TBC1D5: variants seen among roughly 807,000 people sequenced by gnomAD.
TBC1D5 encodes the protein TBC1 domain family, member 5.
TBC1D5 carries 75 observed loss-of-function variants against 100.3 expected under a neutral mutation model. The ratio of observed to expected loss-of-function variants is 0.75; its 90% CI spans 0.62 to 0.91. The LOEUF (loss-of-function observed/expected upper bound fraction) is 0.91. Ranked by LOEUF, TBC1D5 falls within the 40% of genes least tolerant of loss-of-function variation. TBC1D5 has a pLI of 0.00. For synonymous variants in TBC1D5, 323 were observed against 325.6 expected (o/e 0.99, Z 0.09); for missense variants, 910 against 942.4 (o/e 0.97, Z 0.45).
intron 3 of TBC1D5, among the ~76,000 whole-genome samples, chr3:17,480,140 C>T (rs373928633): frequency 6.6e-6 from 1 of 152,178 alleles, no homozygotes. Context: ...ACTGTCATGC[C>T]GGCCCCCTGC....
At chr3:17,358,242 T>A (rs1046966615) in intron 13 of TBC1D5, among the ~76,000 whole-genome samples, 1 of 152,136 alleles carries the variant, frequency 6.6e-6, no homozygotes, top group Non-Finnish European at 1.5e-5. Context: ...TGGAGTGCAA[T>A]GGCATGATCT....
intron 1 of TBC1D5, among the ~76,000 whole-genome samples, chr3:17,705,004 G>T (rs2073847821): frequency 7.8e-6 from 1 of 128,260 alleles, no homozygotes; most frequent in East Asian, 2.6e-4. Context: ...GCGGAGGGCT[G>T]ACCCCCCCAC....
At chr3:17,243,782 C>T (rs1005164045) in intron 16 of TBC1D5, among the ~76,000 whole-genome samples, 3 of 151,976 alleles carry the variant, frequency 2.0e-5, no homozygotes, top group African/African-American at 7.3e-5. Context: ...AATATGAGCT[C>T]ACAGTGATGA....
chr3:17,710,522 C>A (rs979302550), intron 1 of TBC1D5, among the ~76,000 whole-genome samples: 1 of 151,690 alleles, frequency 6.6e-6, no homozygotes, highest in African/African-American at 2.4e-5. Context: ...TGAGATCGTG[C>A]CATTGGGCTC....
chr3:17,548,822 A>G (rs558436794), intron 2 of TBC1D5, among the ~76,000 whole-genome samples: 1 of 152,334 alleles, frequency 6.6e-6, no homozygotes, highest in Admixed American at 6.5e-5. Context: ...GCTACAAAAC[A>G]TACAATTAAA....
At chr3:17,346,926 A>C (rs554051940) in intron 13 of TBC1D5, among the ~76,000 whole-genome samples, 1 of 152,322 alleles carries the variant, frequency 6.6e-6, no homozygotes. Flanking sequence ...CTATTAGTAT[A>C]AGCTAATTTG....
At chr3:17,420,175 A>G (rs1209394017) in intron 4 of TBC1D5, among the ~76,000 whole-genome samples, 7 of 152,146 alleles carry the variant, frequency 4.6e-5, no homozygotes, top group Non-Finnish European at 1.0e-4. Flanking sequence ...AAAGATATAC[A>G]TAATGATGGA....
intron 1 of TBC1D5, among the ~76,000 whole-genome samples, chr3:17,730,931 C>T (rs2076500875): frequency 1.3e-5 from 2 of 151,862 alleles, no homozygotes; most frequent in African/African-American, 4.8e-5. Flanking sequence ...TATTATAATT[C>T]ATAATTCATA....
At chr3:17,250,292 C>G (rs904246454) in intron 16 of TBC1D5, among the ~76,000 whole-genome samples, 9 of 152,372 alleles carry the variant, frequency 5.9e-5, no homozygotes, top group African/African-American at 2.2e-4. Context: ...TGCTGCTCAT[C>G]TCCTAACTAG....
At chr3:17,578,468 A>G (rs1246082831) in intron 2 of TBC1D5, among the ~76,000 whole-genome samples, 1 of 152,092 alleles carries the variant, frequency 6.6e-6, no homozygotes, top group African/African-American at 2.4e-5. Flanking sequence ...AATAATGTCA[A>G]GGTTTTAGAA....
intron 3 of TBC1D5, among the ~76,000 whole-genome samples, chr3:17,486,033 T>A (rs1311544952): frequency 6.6e-6 from 1 of 151,934 alleles, no homozygotes; most frequent in African/African-American, 2.4e-5. Flanking sequence ...TGGTCGCCAT[T>A]CTAACTGGTG....
intron 3 of TBC1D5, among the ~76,000 whole-genome samples, chr3:17,443,188 GTTTAT>G (rs1328098034): frequency 2.0e-5 from 3 of 152,250 alleles, no homozygotes; most frequent in South Asian, 2.1e-4. Flanking sequence ...AACTTGAGAA[GTTTAT>G]TTTATTTTTT....
chr3:17,491,267 C>T (rs1343912573), intron 3 of TBC1D5, among the ~76,000 whole-genome samples: 1 of 152,100 alleles, frequency 6.6e-6, no homozygotes, highest in East Asian at 1.9e-4. Context: ...CAAAGATAGT[C>T]TGACTTCCTC....
At position 17,640,475 on chromosome 3, in the gene TBC1D5, G is replaced by T. The variant is rs541264293; in HGVS notation, c.-100-16562C>A. Among the ~76,000 whole-genome samples, 8 of 151,028 alleles carry T rather than the reference G, an allele frequency of 5.3e-5. No homozygotes were observed. The South Asian group carries it at 1.5e-3, about 27-fold the overall frequency. On this transcript the variant is annotated intron_variant, in intron 1 of 21. Coordinates refer to ENST00000253692, the Ensembl canonical transcript of TBC1D5. ...CCAAAATATCAATTTCCTCTTAAAA[G>T]AAGAATTATTTTAGAACTTGAAAGT... is the stretch of plus-strand genomic sequence containing the variant.
intron 3 of TBC1D5, among the ~76,000 whole-genome samples, chr3:17,503,520 C>G (rs1208626572): frequency 1.3e-5 from 2 of 149,442 alleles, no homozygotes; most frequent in African/African-American, 5.1e-5. Context: ...CTAGTACACG[C>G]AAGGCACTCA....
At chr3:17,342,463 C>T (rs1172679121) in intron 13 of TBC1D5, among the ~76,000 whole-genome samples, 1 of 152,166 alleles carries the variant, frequency 6.6e-6, no homozygotes, top group East Asian at 1.9e-4. Flanking sequence ...CCAAGATGAA[C>T]TCCTTGAGCT....
intron 17 of TBC1D5, among the ~76,000 whole-genome samples, chr3:17,218,347 C>T (rs2073896414): frequency 6.6e-6 from 1 of 151,886 alleles, no homozygotes; most frequent in Non-Finnish European, 1.5e-5. Context: ...GATCACTTTG[C>T]CATTTTCTCC....
chr3:17,169,037 G>C (rs187624574), intron 19 of TBC1D5, among the ~76,000 whole-genome samples: 1 of 152,224 alleles, frequency 6.6e-6, no homozygotes, highest in Admixed American at 6.5e-5. Flanking sequence ...TCAACTTTCT[G>C]CTCCAGTGTT....
At chr3:17,498,579 C>T (rs1425120997) in intron 3 of TBC1D5, among the ~76,000 whole-genome samples, 2 of 152,136 alleles carry the variant, frequency 1.3e-5, no homozygotes, top group African/African-American at 2.4e-5. Flanking sequence ...TAACACATCT[C>T]CTTTTACCAA....
Sources: allele counts gnomAD v4.1 joint callset (sites outside exome capture counted in the v4.1 genomes callset), GRCh38; gene constraint gnomAD v4.1.1; transcripts MANE v1.5; gene names NCBI Gene and HGNC (gene_info 2026-07-23, HGNC 2026-07-21).